LCLAT1: variants seen among roughly 807,000 people sequenced by gnomAD.
LCLAT1 encodes lysocardiolipin acyltransferase 1.
Under a neutral mutation model 30.7 loss-of-function variants are expected in LCLAT1, and 11 were observed. The ratio of observed to expected loss-of-function variants is 0.36; its 90% confidence interval spans 0.23 to 0.59. The LOEUF (loss-of-function observed/expected upper bound fraction) is 0.59, where lower values mean the gene tolerates loss of function less well. LCLAT1 is among the 20% of genes least tolerant of loss of function. The pLI is 0.77. For synonymous variants in LCLAT1, 155 were observed against 151.3 expected (o/e 1.02, Z -0.18); for missense variants, 402 against 458.6 (o/e 0.88, Z 1.13).
At chr2:30,495,665 G>A (rs997511675) in intron 1 of LCLAT1, among the ~76,000 whole-genome samples, 1 of 152,048 alleles carries the variant, frequency 6.6e-6, no homozygotes, top group Non-Finnish European at 1.5e-5. Flanking sequence ...TCATTTCATA[G>A]GTAAAGAAAG....
At chr2:30,504,770 T>C (rs1310489660) in intron 1 of LCLAT1, among the ~76,000 whole-genome samples, 4 of 152,142 alleles carry the variant, frequency 2.6e-5, no homozygotes, top group African/African-American at 9.7e-5. Context: ...TATGAAACAT[T>C]AGAGAAAGGT....
chr2:30,598,371 A>G (rs1007789811), intron 5 of LCLAT1, among the ~76,000 whole-genome samples: 1 of 150,234 alleles, frequency 6.7e-6, no homozygotes, highest in Non-Finnish European at 1.5e-5. Flanking sequence ...CAGTCTTGGG[A>G]GGGTGTATGT....
intron 1 of LCLAT1, among the ~76,000 whole-genome samples, chr2:30,485,751 T>G (rs1683530634): frequency 1.3e-5 from 2 of 152,178 alleles, no homozygotes; most frequent in African/African-American, 4.8e-5. Context: ...ATGCCATTTT[T>G]AGGTGAAAAG....
intron 5 of LCLAT1, among the ~76,000 whole-genome samples, chr2:30,598,643 T>G (rs1667039554): frequency 6.6e-6 from 1 of 152,194 alleles, no homozygotes; most frequent in Non-Finnish European, 1.5e-5. Flanking sequence ...TTTTCATATC[T>G]CTGTGTCCTT....
Position 30,567,403 on chromosome 2 carries a change from C to T in LCLAT1, c.512-657C>T, listed in dbSNP as rs189231868. ...TTTCTTTAGTCTTAGAATATAGCCT[C>T]GAAGTGTACTTTGAAACTCTGTTTT... On this transcript the variant is annotated intron_variant, in intron 4 of 5. Coordinates refer to ENST00000379509, the MANE Select transcript of LCLAT1 (RefSeq NM_001002257.3). 9.9e-5 allele frequency among the ~76,000 whole-genome samples: 15 copies of T among 152,124 alleles called. No individual in the cohort carries two copies. In the East Asian group the frequency reaches 2.7e-3, roughly 27 times the overall value.
At chr2:30,569,812 G>A (rs955835733) in intron 5 of LCLAT1, among the ~76,000 whole-genome samples, 3 of 152,116 alleles carry the variant, frequency 2.0e-5, no homozygotes, top group Admixed American at 1.3e-4. Context: ...TTGCAATTCC[G>A]TGATTACAAC....
chr2:30,493,624 C>A (rs1683943882), intron 1 of LCLAT1, among the ~76,000 whole-genome samples: 1 of 152,138 alleles, frequency 6.6e-6, no homozygotes, highest in Non-Finnish European at 1.5e-5. Flanking sequence ...AGTCAAGATA[C>A]AGAACAGCTC....
Position 30,562,183 on chromosome 2 carries a change from T to C in LCLAT1, c.402T>C (p.His134=), listed in dbSNP as rs1665259310. 4 of 1,613,042 alleles carry C rather than the reference T, an allele frequency of 2.5e-6. No homozygotes were observed. Among genetic ancestry groups the C allele is most frequent in the African/African-American group, 1.3e-5 (1 of 74,912 alleles). ...AMQAAAYIFI[H]RKWKDDKSHF... is the part of the protein sequence containing the mutation. ...AGGCTGCTGCCTATATCTTCATTCATAGGAAATGGAAGGATGACAAGAGCC... is the reference window on the plus strand; with the variant it reads ...AGGCTGCTGCCTATATCTTCATTCACAGGAAATGGAAGGATGACAAGAGCC... The change falls in exon 4 of 6, where the codon CAT becomes CAC. Residue 134 remains histidine (H), a synonymous_variant. Transcript: ENST00000379509.
At chr2:30,466,306 C>G (rs1239336490) in intron 1 of LCLAT1, among the ~76,000 whole-genome samples, 1 of 145,228 alleles carries the variant, frequency 6.9e-6, no homozygotes, top group Non-Finnish European at 1.5e-5. Flanking sequence ...GCCACCTAGG[C>G]TGGGCTGGAG....
At chr2:30,567,311 A>G (rs1665533555) in intron 4 of LCLAT1, among the ~76,000 whole-genome samples, 1 of 152,148 alleles carries the variant, frequency 6.6e-6, no homozygotes, top group Non-Finnish European at 1.5e-5. Context: ...TGCCTTTGTT[A>G]TAATTTTTTT....
intron 3 of LCLAT1, among the ~76,000 whole-genome samples, chr2:30,540,157 T>C (rs1173799794): frequency 6.6e-6 from 1 of 152,256 alleles, no homozygotes; most frequent in Non-Finnish European, 1.5e-5. Context: ...TTTTCAGAGC[T>C]ATTCCATGCA....
At position 30,485,510 on chromosome 2, in the gene LCLAT1, G is replaced by A. The variant is rs190836283; in HGVS notation, c.-5+38127G>A. On this transcript the variant is annotated intron_variant, in intron 1 of 5. Transcript: ENST00000379509. Reference sequence around the variant, plus strand: ...TTATTAGAGGTTAGGAATTAACTTTGTCTTAAATTCACGTTTCCATTGTCA... The same window carrying A: ...TTATTAGAGGTTAGGAATTAACTTTATCTTAAATTCACGTTTCCATTGTCA... 3.3e-5 allele frequency among the ~76,000 whole-genome samples: 5 copies of A among 152,128 alleles called. No homozygotes were observed. In the East Asian group the frequency reaches 7.7e-4, roughly 23 times the overall value.
chr2:30,491,759 C>T (rs992235573), intron 1 of LCLAT1, among the ~76,000 whole-genome samples: 3 of 152,114 alleles, frequency 2.0e-5, no homozygotes. Context: ...CTATTAATTG[C>T]ATTTGTGGTA....
intron 1 of LCLAT1, among the ~76,000 whole-genome samples, chr2:30,502,079 A>G (rs895063010): frequency 6.6e-5 from 10 of 152,204 alleles, no homozygotes; most frequent in East Asian, 3.9e-4. Context: ...TTGGAAAATA[A>G]AAGTTAGGGA....
At chr2:30,584,823 A>G (rs758394162) in intron 5 of LCLAT1, among the ~76,000 whole-genome samples, 2 of 152,200 alleles carry the variant, frequency 1.3e-5, no homozygotes, top group African/African-American at 2.4e-5. Context: ...TCTCAAGCAC[A>G]TCATAAAGCA....
intron 3 of LCLAT1, among the ~76,000 whole-genome samples, chr2:30,540,163 A>T (rs1432099462): frequency 6.6e-6 from 1 of 152,212 alleles, no homozygotes; most frequent in Non-Finnish European, 1.5e-5. Flanking sequence ...GAGCTATTCC[A>T]TGCATGGACA....
chr2:30,501,986 T>C (rs1684419829), intron 1 of LCLAT1, among the ~76,000 whole-genome samples: 1 of 152,234 alleles, frequency 6.6e-6, no homozygotes, highest in Non-Finnish European at 1.5e-5. Flanking sequence ...TAAGAAATCC[T>C]GGCTTCTGAT....
intron 1 of LCLAT1, among the ~76,000 whole-genome samples, chr2:30,470,928 T>C (rs1682750262): frequency 6.6e-6 from 1 of 150,852 alleles, no homozygotes; most frequent in East Asian, 1.9e-4. Context: ...TTTTTTTTTT[T>C]TTTGAGACAG....
intron 1 of LCLAT1, among the ~76,000 whole-genome samples, chr2:30,484,092 A>T (rs1683449969): frequency 6.6e-6 from 1 of 152,184 alleles, no homozygotes; most frequent in Non-Finnish European, 1.5e-5. Flanking sequence ...CAGGAAAATT[A>T]GTCTATTACC....
Sources: gnomAD v4.1 joint callset for allele counts (sites outside exome capture counted in the v4.1 genomes callset) on GRCh38, gnomAD v4.1.1 for gene constraint, MANE v1.5 for transcripts, NCBI Gene and HGNC (gene_info 2026-07-23, HGNC 2026-07-21) for gene names.